The following TENM1 variants were observed in gnomAD, a reference collection of about 807,000 sequenced individuals.
The protein encoded by TENM1 is teneurin-1.
In TENM1, 35 loss-of-function variants were observed where a neutral mutation model predicts 174.8. The ratio of observed to expected loss-of-function variants is 0.20; its 90% CI spans 0.15 to 0.27. The LOEUF is 0.27. Among genes scored for constraint, TENM1 ranks in the 10% least tolerant of loss-of-function variants. TENM1 has a pLI of 1.00. For synonymous variants in TENM1, 781 were observed against 798.7 expected, an observed-to-expected ratio of 0.98 and a Z score of 0.37; for missense variants, 1,633 against 2,130.1, an observed-to-expected ratio of 0.77 and a Z score of 4.59.
intron 23 of TENM1, among the ~76,000 whole-genome samples, chrX:124,438,837 A>G (rs7889643): frequency 0.24 from 26,556 of 110,326 alleles, 2,906 homozygotes; most frequent in East Asian, 0.79. Flanking sequence ...TTGTGATTTT[A>G]CCTAAGAGAT....
intron 3 of TENM1, among the ~76,000 whole-genome samples, chrX:124,815,780 A>G (rs2147278485): frequency 9.0e-6 from 1 of 111,592 alleles, no homozygotes; most frequent in East Asian, 2.8e-4. Context: ...AAACAGAATT[A>G]TTGAATGAAA....
chrX:124,581,317 A>C (rs1271597386), intron 11 of TENM1, among the ~76,000 whole-genome samples: 1 of 110,634 alleles, frequency 9.0e-6, no homozygotes, highest in African/African-American at 3.3e-5. Flanking sequence ...CACCCACCCC[A>C]ACCTCCCAAA....
intron 4 of TENM1, among the ~76,000 whole-genome samples, chrX:124,723,614 T>G (rs1487230741): frequency 8.9e-5 from 9 of 101,356 alleles, no homozygotes; most frequent in South Asian, 9.6e-4. Flanking sequence ...TTTTTTTTTT[T>G]TTTTTTTGAC....
chrX:125,169,184 G>A, the TENM1 span, among the ~76,000 whole-genome samples: 5 of 110,758 alleles, frequency 4.5e-5, no homozygotes, highest in Admixed American at 4.8e-4. Flanking sequence ...TGTAACTCCC[G>A]CTAAAGCTGT....
In TENM1 at chrX:124,723,429, C is replaced by T. The variant is rs753747107; in HGVS notation, c.776+13528G>A. On this transcript the variant is annotated intron_variant, in intron 4 of 31. Transcript: ENST00000422452. ...TACGCTGGCCTTTCTCCTCTATGAA[C>T]TCCTAATACATAAGTGTTGCCATGG... Among the ~76,000 whole-genome samples, 7 of 111,046 alleles carry T rather than the reference C, an allele frequency of 6.3e-5. No individual in the cohort carries two copies. The East Asian group carries it at 2.0e-3, about 31-fold the overall frequency.
chrX:124,804,256 T>C (rs1046400076), intron 3 of TENM1, among the ~76,000 whole-genome samples: 2 of 112,007 alleles, frequency 1.8e-5, no homozygotes, highest in African/African-American at 6.5e-5. Flanking sequence ...ATGCATAACA[T>C]TTTTCATGTT....
the TENM1 span, among the ~76,000 whole-genome samples, chrX:125,014,965 A>G: frequency 2.1e-4 from 24 of 111,632 alleles, no homozygotes; most frequent in African/African-American, 6.2e-4. Flanking sequence ...CCCAGCTCCC[A>G]TAAGACTCTG....
chrX:124,706,654 T>C (rs986438262), intron 4 of TENM1, among the ~76,000 whole-genome samples: 20 of 112,107 alleles, frequency 1.8e-4, no homozygotes, highest in African/African-American at 6.5e-4. Flanking sequence ...TGTATTCACA[T>C]GGAAGGAGTT....
At chrX:124,570,868 C>T (rs1428673993) in intron 11 of TENM1, among the ~76,000 whole-genome samples, 2 of 111,275 alleles carry the variant, frequency 1.8e-5, no homozygotes, top group Non-Finnish European at 3.8e-5. Context: ...GAAAAGATGC[C>T]TATGATCATC....
At chrX:124,379,179 G>C in exon 32 of TENM1, 1 of 112,157 alleles carries the variant, frequency 8.9e-6, no homozygotes, top group Non-Finnish European at 1.9e-5. Flanking sequence ...AATGATCGCA[G>C]AACAAATAAC....
chrX:124,561,461 CA>C (rs1015175892), intron 14 of TENM1, among the ~76,000 whole-genome samples: 48 of 109,745 alleles, frequency 4.4e-4, no homozygotes, highest in African/African-American at 1.2e-3. Context: ...ATAACACATG[CA>C]AAAAAAATTG....
At chrX:125,025,159 G>C in the TENM1 span, among the ~76,000 whole-genome samples, 1 of 111,822 alleles carries the variant, frequency 8.9e-6, no homozygotes, top group African/African-American at 3.3e-5. Context: ...GTATTATACT[G>C]TGTGACCATA....
intron 3 of TENM1, among the ~76,000 whole-genome samples, chrX:124,886,298 T>G (rs2147534616): frequency 9.1e-6 from 1 of 109,854 alleles, no homozygotes; most frequent in East Asian, 2.8e-4. Context: ...AAATACTAAT[T>G]AATTTTAATA....
chrX:124,645,074 A>G, intron 10 of TENM1, 69 bp downstream of exon 13: 1 of 1,075,562 alleles, frequency 9.3e-7, no homozygotes, highest in Non-Finnish European at 1.3e-6. Context: ...TACTAGGAGA[A>G]CAGAATGACA....
chrX:124,807,567 G>A (rs780221036), intron 3 of TENM1, among the ~76,000 whole-genome samples: 22 of 111,822 alleles, frequency 2.0e-4, no homozygotes, highest in Non-Finnish European at 3.0e-4. Flanking sequence ...TGGTGAGTAA[G>A]TCACTTATAC....
the TENM1 span, among the ~76,000 whole-genome samples, chrX:125,103,885 C>T: frequency 6.3e-5 from 7 of 111,506 alleles, no homozygotes; most frequent in Admixed American, 6.7e-4. Context: ...ACTCAAGAGG[C>T]TGAGTGAGGC....
At chrX:125,050,471 T>C in the TENM1 span, among the ~76,000 whole-genome samples, 1 of 110,894 alleles carries the variant, frequency 9.0e-6, no homozygotes, top group Non-Finnish European at 1.9e-5. Context: ...TTCATCCATG[T>C]CCCTACAAAG....
At chrX:124,788,755 G>T (rs147664522) in intron 3 of TENM1, among the ~76,000 whole-genome samples, 469 of 112,701 alleles carry the variant, frequency 4.2e-3, no homozygotes, top group African/African-American at 0.014. Flanking sequence ...CGCCTCTGTG[G>T]CTCTACAGGG....
Position 124,834,172 on chromosome X carries a change from T to C in TENM1, c.535+60124A>G, listed in dbSNP as rs186157842. ...TCAATCCATAGTGTATTTTATGTTA[T>C]TAAATTAATTAATTAATTTTGAGAT... On this transcript the variant is annotated intron_variant, in intron 3 of 31. Coordinates refer to ENST00000422452, the Ensembl canonical transcript of TENM1. 3.5e-4 allele frequency among the ~76,000 whole-genome samples: 39 copies of C among 111,964 alleles called. 3 individuals carry two copies. Among genetic ancestry groups the C allele is most frequent in the Admixed American group, 3.2e-3 (34 of 10,512 alleles).
Sources: allele counts gnomAD v4.1 joint callset (sites outside exome capture counted in the v4.1 genomes callset), GRCh38; gene constraint gnomAD v4.1.1; transcripts MANE v1.5; gene names NCBI Gene and HGNC (gene_info 2026-07-23, HGNC 2026-07-21).